The following NSRP1 variants were observed in gnomAD, a reference collection of about 807,000 sequenced individuals.
The protein encoded by NSRP1 is coiled-coil domain containing 55.
NSRP1 carries 24 observed loss-of-function variants against 54.7 expected under a neutral mutation model. The ratio of observed to expected loss-of-function variants is 0.44; its 90% CI spans 0.32 to 0.62. The LOEUF (loss-of-function observed/expected upper bound fraction) is 0.62, where lower values mean the gene tolerates loss of function less well. NSRP1 is among the 20% of genes least tolerant of loss of function. NSRP1 has a pLI of 0.06. For synonymous variants in NSRP1, 210 were observed against 213.8 expected (o/e 0.98, Z 0.15); for missense variants, 596 against 651.2 (o/e 0.92, Z 0.92).
At chr17:30,181,256 A>G (rs1905281561) in intron 6 of NSRP1, among the ~76,000 whole-genome samples, 1 of 152,198 alleles carries the variant, frequency 6.6e-6, no homozygotes, top group African/African-American at 2.4e-5. Flanking sequence ...TAAAACAGTG[A>G]TTGAGTTTAA....
chr17:30,179,447 AT>A (rs1905230074), intron 5 of NSRP1, 150 bp downstream of exon 5: 1 of 1,231,592 alleles, frequency 8.1e-7, no homozygotes, highest in African/African-American at 1.5e-5. Context: ...ATATGGTATT[AT>A]ATAGCAGTAT....
intron 5 of NSRP1, 73 bp downstream of exon 5, chr17:30,179,370 T>C (rs1905227151): frequency 6.9e-7 from 1 of 1,456,494 alleles, no homozygotes; most frequent in Admixed American, 2.6e-5. Flanking sequence ...CTGTTTGCTC[T>C]GTCACTGAAC....
intron 2 of NSRP1, among the ~76,000 whole-genome samples, chr17:30,140,415 GT>G (rs2071793033): frequency 6.7e-6 from 1 of 148,804 alleles, no homozygotes; most frequent in Admixed American, 6.7e-5. Context: ...GTGAACCTCT[GT>G]TTTAGGACAG....
intron 3 of NSRP1, among the ~76,000 whole-genome samples, chr17:30,175,624 C>A (rs7216487): frequency 0.5 from 74,885 of 151,102 alleles, 19,042 homozygotes; most frequent in East Asian, 0.81. Context: ...GATGGCCAGG[C>A]GCTCTCTTCA....
intron 2 of NSRP1, among the ~76,000 whole-genome samples, chr17:30,166,009 G>A (rs1034126849): frequency 6.6e-6 from 1 of 151,978 alleles, no homozygotes; most frequent in African/African-American, 2.4e-5. Context: ...AAAAAGTACA[G>A]CTACTGTGTT....
At chr17:30,165,678 C>T (rs1189005382) in intron 2 of NSRP1, among the ~76,000 whole-genome samples, 9 of 152,158 alleles carry the variant, frequency 5.9e-5, no homozygotes, top group Non-Finnish European at 1.2e-4. Flanking sequence ...TTAGTTCCTA[C>T]TAAAGCCACT....
intron 2 of NSRP1, among the ~76,000 whole-genome samples, chr17:30,120,748 A>C (rs774910815): frequency 6.6e-6 from 1 of 152,240 alleles, no homozygotes; most frequent in Non-Finnish European, 1.5e-5. Flanking sequence ...ATTGAAGCTC[A>C]GGTTAAGTAA....
At chr17:30,140,369 A>G (rs567144094) in intron 2 of NSRP1, among the ~76,000 whole-genome samples, 23 of 152,276 alleles carry the variant, frequency 1.5e-4, no homozygotes, top group African/African-American at 5.3e-4. Context: ...TGGGTACTCA[A>G]TAATTTTAAA....
chr17:30,171,158 T>G (rs917125411), intron 2 of NSRP1, among the ~76,000 whole-genome samples: 6 of 152,158 alleles, frequency 3.9e-5, no homozygotes, highest in African/African-American at 1.4e-4. Flanking sequence ...TTTTATTCTC[T>G]TTGATTCTGG....
intron 2 of NSRP1, chr17:30,128,135 G>A (rs896231734): frequency 9.6e-6 from 3 of 312,044 alleles, no homozygotes; most frequent in African/African-American, 6.5e-5. Flanking sequence ...CACTGCACCT[G>A]GCTGTGAACT....
At chr17:30,177,596 T>C (rs1905171204) in intron 3 of NSRP1, among the ~76,000 whole-genome samples, 1 of 152,114 alleles carries the variant, frequency 6.6e-6, no homozygotes, top group Non-Finnish European at 1.5e-5. Flanking sequence ...GTTTAACAAC[T>C]CTAAAAATGA....
chr17:30,175,651 C>T (rs1400944497), intron 3 of NSRP1, among the ~76,000 whole-genome samples: 4 of 152,030 alleles, frequency 2.6e-5, no homozygotes, highest in Admixed American at 2.6e-4. Context: ...GAGATCCGCC[C>T]GTCTTCGCCC....
chr17:30,143,913 C>G (rs1244417298), intron 2 of NSRP1: 1 of 152,072 alleles, frequency 6.6e-6, no homozygotes, highest in Non-Finnish European at 1.5e-5. Context: ...ACATGGCATG[C>G]CTGTATCAAA....
At chr17:30,139,207 G>A (rs1307982145) in intron 2 of NSRP1, among the ~76,000 whole-genome samples, 8 of 151,750 alleles carry the variant, frequency 5.3e-5, no homozygotes. Context: ...GTGAGCCACC[G>A]CACCCAGCTA....
At chr17:30,173,209 C>G (rs2143008667) in intron 3 of NSRP1, among the ~76,000 whole-genome samples, 1 of 152,340 alleles carries the variant, frequency 6.6e-6, no homozygotes, top group African/African-American at 2.4e-5. Context: ...GGTGATCCGC[C>G]AACCTCAGCC....
At chr17:30,167,495 G>C (rs1180468128) in intron 2 of NSRP1, among the ~76,000 whole-genome samples, 1 of 151,952 alleles carries the variant, frequency 6.6e-6, no homozygotes, top group Non-Finnish European at 1.5e-5. Flanking sequence ...TGTATTCCCA[G>C]CTACTCAGGA....
intron 4 of NSRP1, 114 bp downstream of exon 4, chr17:30,178,313 A>G (rs1166450769): frequency 6.4e-6 from 7 of 1,102,332 alleles, no homozygotes; most frequent in Middle Eastern, 3.0e-4. Context: ...TGAGGTGTGA[A>G]GAGTCCCTAA....
At chr17:30,117,763 T>G (rs1000698170) in intron 1 of NSRP1, among the ~76,000 whole-genome samples, 15 of 152,064 alleles carry the variant, frequency 9.9e-5, no homozygotes, top group African/African-American at 2.4e-4. Context: ...ACACATGTTT[T>G]TTTTTTTTTT....
intron 2 of NSRP1, chr17:30,143,953 T>C (rs986921150): frequency 1.3e-5 from 2 of 152,154 alleles, no homozygotes; most frequent in Admixed American, 6.5e-5. Context: ...AATGTATACA[T>C]GTACCATGTA....
Sources: gnomAD v4.1 joint callset for allele counts (sites outside exome capture counted in the v4.1 genomes callset) on GRCh38, gnomAD v4.1.1 for gene constraint, MANE v1.5 for transcripts, NCBI Gene and HGNC (gene_info 2026-07-23, HGNC 2026-07-21) for gene names.